TCF7L1: variants seen among roughly 807,000 people sequenced by gnomAD.
TCF7L1 encodes transcription factor 7-like 1.
Under a neutral mutation model 63.7 loss-of-function variants are expected in TCF7L1, and 18 were observed. That is an observed-to-expected ratio of 0.28 (90% CI 0.20 to 0.42). The LOEUF (loss-of-function observed/expected upper bound fraction) is 0.42, where lower values mean the gene tolerates loss of function less well. TCF7L1 is among the 10% of genes least tolerant of loss of function. TCF7L1 has a pLI of 1.00. For synonymous variants in TCF7L1, 355 were observed against 340.9 expected, an observed-to-expected ratio of 1.04 and a Z score of -0.46; for missense variants, 654 against 779.3, an observed-to-expected ratio of 0.84 and a Z score of 1.91.
chr2:85,276,210 C>T (rs910359478), intron 3 of TCF7L1, among the ~76,000 whole-genome samples: 2 of 152,188 alleles, frequency 1.3e-5, no homozygotes, highest in African/African-American at 4.8e-5. Flanking sequence ...TCTCCCTATT[C>T]CTGAGTTCAT....
At chr2:85,146,695 G>A (rs976846148) in intron 3 of TCF7L1, among the ~76,000 whole-genome samples, 2 of 151,928 alleles carry the variant, frequency 1.3e-5, no homozygotes, top group South Asian at 2.1e-4. Flanking sequence ...GTAGAGACGA[G>A]ATTTCACTGT....
intron 3 of TCF7L1, among the ~76,000 whole-genome samples, chr2:85,166,265 G>GCACT (rs1330826486): frequency 1.3e-5 from 2 of 152,220 alleles, no homozygotes; most frequent in Non-Finnish European, 2.9e-5. Context: ...TGGATCTGGA[G>GCACT]CACTGCAGCA....
chr2:85,286,226 G>A (rs1221314539), intron 4 of TCF7L1, among the ~76,000 whole-genome samples: 2 of 150,186 alleles, frequency 1.3e-5, no homozygotes, highest in South Asian at 2.1e-4. Context: ...GTGGTGGTAC[G>A]CGCCTGTAAT....
intron 3 of TCF7L1, among the ~76,000 whole-genome samples, chr2:85,210,823 G>A (rs1679523472): frequency 6.6e-6 from 1 of 152,202 alleles, no homozygotes; most frequent in Admixed American, 6.5e-5. Context: ...GTGAGGTGGC[G>A]ATTTCGGTCA....
chr2:85,139,492 G>A lies in TCF7L1; in HGVS notation c.441+5042G>A, dbSNP rs372208560. Reference sequence around the variant, plus strand: ...TAGCACTGTAATAAGAAGTTAAGAGGTAGTAAAGTCTGGAGAAGCATTTTC... The same window carrying A: ...TAGCACTGTAATAAGAAGTTAAGAGATAGTAAAGTCTGGAGAAGCATTTTC... On this transcript the variant is annotated intron_variant, in intron 3 of 11. Coordinates refer to ENST00000282111, the MANE Select transcript of TCF7L1 (RefSeq NM_031283.3). Among the ~76,000 whole-genome samples, 17 of 152,290 alleles carry A rather than the reference G, an allele frequency of 1.1e-4. No individual in the cohort carries two copies. The South Asian group carries it at 1.7e-3, about 15-fold the overall frequency.
chr2:85,241,431 G>GTTGTTTT (rs1680322827), intron 3 of TCF7L1, among the ~76,000 whole-genome samples: 1 of 68,782 alleles, frequency 1.5e-5, no homozygotes, highest in African/African-American at 5.2e-5. Context: ...GATGCACTTT[G>GTTGTTTT]TTTTTGTTTT....
chr2:85,217,406 A>C (rs1046605495), intron 3 of TCF7L1, among the ~76,000 whole-genome samples: 2 of 152,184 alleles, frequency 1.3e-5, no homozygotes, highest in Non-Finnish European at 2.9e-5. Flanking sequence ...AAAGTGAATG[A>C]GTTCAAATGA....
At chr2:85,292,837 C>T (rs1254838674) in intron 4 of TCF7L1, among the ~76,000 whole-genome samples, 2 of 152,278 alleles carry the variant, frequency 1.3e-5, no homozygotes, top group Non-Finnish European at 2.9e-5. Context: ...CTTAGCCTCC[C>T]AAAGTGCTGG....
chr2:85,153,761 T>G (rs929085413), intron 3 of TCF7L1, among the ~76,000 whole-genome samples: 8 of 152,368 alleles, frequency 5.3e-5, no homozygotes, highest in African/African-American at 1.7e-4. Flanking sequence ...CATATTTCTC[T>G]TTTGATGATC....
Position 85,162,967 on chromosome 2 carries a change from T to TGTAGGAAACC in TCF7L1, c.441+28518_441+28527dup, listed in dbSNP as rs913540749. Among the ~76,000 whole-genome samples the TGTAGGAAACC allele has an allele frequency of 4.4e-4, 67 of 152,258 alleles. 1 individual carries two copies. Among genetic ancestry groups the TGTAGGAAACC allele is most frequent in the African/African-American group, 1.5e-3 (62 of 41,538 alleles). On this transcript the variant is annotated intron_variant, in intron 3 of 11. Coordinates refer to ENST00000282111, the MANE Select transcript of TCF7L1 (RefSeq NM_031283.3). ...AGTAAAGGGCGCCGTAGACTGAACC[T>TGTAGGAAACC]GTAGGAAACCAGACTCCAGGCAGCC... is the stretch of plus-strand genomic sequence containing the variant.
chr2:85,152,324 T>G (rs1479622275), intron 3 of TCF7L1, among the ~76,000 whole-genome samples: 1 of 152,216 alleles, frequency 6.6e-6, no homozygotes, highest in East Asian at 1.9e-4. Flanking sequence ...TTTAATGTTA[T>G]GAGTGCACTA....
intron 4 of TCF7L1, among the ~76,000 whole-genome samples, chr2:85,299,395 C>CA (rs1447465173): frequency 6.6e-6 from 1 of 150,922 alleles, no homozygotes; most frequent in Admixed American, 6.6e-5. Flanking sequence ...ACTAAAAATA[C>CA]AAAAAAATTA....
rs1195664509 is a variant in TCF7L1, at chr2:85,309,417, G to T, written c.1722G>T (p.Val574=). The part of the protein sequence containing the change: ...ATLHAHQALP[V]LQAQPLSLVT... ...TCCATGCCCACCAGGCCCTCCCGGT[G>T]CTACAGGCCCAGCCTCTTTCCCTGG... is the stretch of plus-strand genomic sequence containing the variant. Residue 574 remains valine (V), a synonymous_variant, in exon 12 of 12, where the codon GTG becomes GTT. Transcript: ENST00000282111. The T allele has an allele frequency of 6.4e-7, 1 of 1,572,938 alleles. No individual in the cohort carries two copies. The highest frequency in any genetic ancestry group is 8.6e-7 in the Non-Finnish European group (1 of 1,159,398).
Position 85,306,641 on chromosome 2 carries a change from G to T in TCF7L1, c.1257+82G>T. On this transcript the variant is annotated intron_variant, in intron 10 of 11. Coordinates refer to ENST00000282111, the MANE Select transcript of TCF7L1 (RefSeq NM_031283.3). The surrounding 1 kb of genome is among the most constrained non-coding windows in gnomAD (Gnocchi z 4.3). ...GGAGGAAGGGTGAAGGAAAGCAACT[G>T]CATTTATTTTTATTTATTTTATTTT... 2 of 1,066,020 alleles carry T rather than the reference G, an allele frequency of 1.9e-6. No individual in the cohort carries two copies. The highest frequency in any genetic ancestry group is 2.7e-6 in the Non-Finnish European group (2 of 732,046). 66.0% of individuals were successfully genotyped at this position (1,066,020 alleles called of 1,614,324 possible). A position where few individuals can be genotyped will look rare whatever the true frequency, so the allele number is the denominator to read the frequency against.
intron 3 of TCF7L1, among the ~76,000 whole-genome samples, chr2:85,141,095 G>C (rs977804355): frequency 1.3e-4 from 20 of 152,110 alleles, no homozygotes; most frequent in African/African-American, 4.6e-4. Context: ...AGACCAGCCT[G>C]TACAACATTG....
intron 4 of TCF7L1, among the ~76,000 whole-genome samples, chr2:85,299,965 G>A: frequency 6.6e-6 from 1 of 151,322 alleles, no homozygotes; most frequent in East Asian, 1.9e-4. Context: ...GACAGGGTTA[G>A]GATGGTGCAG....
At chr2:85,190,804 C>T (rs530890015) in intron 3 of TCF7L1, among the ~76,000 whole-genome samples, 3 of 152,254 alleles carry the variant, frequency 2.0e-5, no homozygotes, top group East Asian at 1.9e-4. Flanking sequence ...TATACACCCA[C>T]GTATGAGTGG....
intron 3 of TCF7L1, among the ~76,000 whole-genome samples, chr2:85,140,766 C>G (rs1301317527): frequency 6.6e-6 from 1 of 152,064 alleles, no homozygotes; most frequent in Non-Finnish European, 1.5e-5. Context: ...GAGGCTGAGG[C>G]AGGAGAATTG....
Position 85,163,737 on chromosome 2 carries a change from C to T in TCF7L1, c.441+29287C>T, listed in dbSNP as rs1678344531. On this transcript the variant is annotated intron_variant, in intron 3 of 11. Transcript: ENST00000282111. ...AGGGTTGGTTCCCTCTGAGGCTGTG[C>T]GGGAGGGATCTGCTCCAGGCCTCTC... Among the ~76,000 whole-genome samples the T allele has an allele frequency of 3.3e-5, 5 of 152,200 alleles. No individual in the cohort carries two copies. In the South Asian group the frequency reaches 1.0e-3, roughly 32 times the overall value.
Sources: gnomAD v4.1 joint callset for allele counts (sites outside exome capture counted in the v4.1 genomes callset) on GRCh38, gnomAD v4.1.1 for gene constraint, Gnocchi (gnomAD v3.1) non-coding constraint, MANE v1.5 for transcripts, NCBI Gene and HGNC (gene_info 2026-07-23, HGNC 2026-07-21) for gene names.